PHF6: variants seen among roughly 807,000 people sequenced by gnomAD.
PHF6 encodes PHD finger protein 6.
Under a neutral mutation model 34.0 loss-of-function variants are expected in PHF6, and 7 were observed. The observed-to-expected ratio is 0.21, with a 90% CI of 0.12 to 0.39. The LOEUF (loss-of-function observed/expected upper bound fraction) is 0.39, where lower values mean the gene tolerates loss of function less well. PHF6 is among the 10% of genes least tolerant of loss of function. The pLI is 1.00. For synonymous variants in PHF6, 89 were observed against 88.4 expected, an observed-to-expected ratio of 1.01 and a Z score of -0.04; for missense variants, 128 against 262.8, an observed-to-expected ratio of 0.49 and a Z score of 3.55.
intron 5 of PHF6, among the ~76,000 whole-genome samples, chrX:134,408,632 C>T (rs1022758800): frequency 1.1e-4 from 12 of 111,781 alleles, no homozygotes; most frequent in African/African-American, 3.9e-4. Flanking sequence ...GCATTTTTCT[C>T]TTGGGGTTTG....
chrX:134,381,442 A>C (rs1049374963), intron 3 of PHF6, among the ~76,000 whole-genome samples: 15 of 110,832 alleles, frequency 1.4e-4, no homozygotes, highest in African/African-American at 4.6e-4. Flanking sequence ...TGAAGAGCTT[A>C]ATGTAACTAG....
intron 3 of PHF6, among the ~76,000 whole-genome samples, chrX:134,389,264 A>G (rs1325706843): frequency 1.8e-5 from 2 of 111,510 alleles, no homozygotes; most frequent in Non-Finnish European, 3.8e-5. Flanking sequence ...CCTCAACAGA[A>G]TATCTGATAC....
rs191728277 is a variant in PHF6 at position 134,413,760 on chromosome X, T to C, written c.586-63T>C. 5,420 of 1,196,663 alleles carry C rather than the reference T, an allele frequency of 4.5e-3. 12 individuals carry two copies. Among genetic ancestry groups the C allele is most frequent in the Non-Finnish European group, 4.7e-3 (4,164 of 883,087 alleles). ...CATCATTTGAAATGTTAAGTAAGCT[T>C]GAAATACCGATAGCATATTTTCATG... On this transcript the variant is annotated intron_variant, in intron 6 of 10. Coordinates refer to ENST00000370803, the MANE Select transcript of PHF6 (RefSeq NM_001015877.2).
chrX:134,384,729 T>G (rs1309148511), intron 3 of PHF6, among the ~76,000 whole-genome samples: 9 of 109,631 alleles, frequency 8.2e-5, no homozygotes, highest in East Asian at 2.9e-4. Flanking sequence ...TCGGCTCACT[T>G]CAAGCTCTGC....
At position 134,413,828 on chromosome X, in the gene PHF6, T is replaced by G. The variant is rs1248849132; in HGVS notation, c.591T>G (p.Asp197Glu). 12 of 1,209,278 alleles carry G rather than the reference T, an allele frequency of 9.9e-6. No homozygotes were observed. The highest frequency in any genetic ancestry group is 8.9e-6 in the Non-Finnish European group (8 of 894,931). Reference sequence around the variant, plus strand: ...TTTTTCTTTTACATTTGCAGAGAGATAGGTCTCCACACAGAAGCAGCCCTA... The same window carrying G: ...TTTTTCTTTTACATTTGCAGAGAGAGAGGTCTCCACACAGAAGCAGCCCTA... Reference protein sequence around the residue: ...TDEMESSSYRDRSPHRSSPSD... With the variant: ...TDEMESSSYRERSPHRSSPSD... The change falls in exon 7 of 11, where the codon GAT becomes GAG. Residue 197 changes from aspartate (D) to glutamate (E), a missense_variant. Physicochemically the swap from Asp to Glu is conservative, Grantham distance 45 (BLOSUM62 2). Around this residue, in one of 3 missense-constraint regions of PHF6, gnomAD observed 97 missense variants for 152.9 expected, o/e 0.63. Transcript: ENST00000370803.
intron 5 of PHF6, among the ~76,000 whole-genome samples, chrX:134,395,888 A>G (rs1415246575): frequency 1.8e-5 from 2 of 112,012 alleles, no homozygotes; most frequent in Non-Finnish European, 3.8e-5. Flanking sequence ...AATATGACGG[A>G]AAAAACCTTA....
chrX:134,396,293 AG>A (rs1351577064), intron 5 of PHF6, among the ~76,000 whole-genome samples: 1 of 111,810 alleles, frequency 8.9e-6, no homozygotes, highest in Non-Finnish European at 1.9e-5. Context: ...ACACTGAGAC[AG>A]GATATTTGAG....
chrX:134,378,074 G>A lies in PHF6; in HGVS notation c.208G>A (p.Val70Ile), dbSNP rs1179202301. The change falls in exon 3 of 11, where the codon GTC (valine) becomes ATC (isoleucine). Residue 70 changes from valine to isoleucine, a missense_variant. This residue lies in a region of PHF6 where 97 missense variants were observed against 152.9 expected (regional missense o/e 0.63). Transcript: ENST00000370803. ...TCTTGGTGGATTTTCTATTGAAGAT[G>A]TCCAAAAGGAAATTAAAAGAGGCAC... ...ESLGGFSIED[V>I]QKEIKRGTKL... 1 of 1,198,839 alleles carries A rather than the reference G, an allele frequency of 8.3e-7. No individual in the cohort carries two copies. The highest frequency in any genetic ancestry group is 1.1e-6 in the Non-Finnish European group (1 of 887,761).
At chrX:134,382,493 T>A (rs1439677580) in intron 3 of PHF6, among the ~76,000 whole-genome samples, 1 of 110,675 alleles carries the variant, frequency 9.0e-6, no homozygotes, top group Non-Finnish European at 1.9e-5. Flanking sequence ...TTTGAAGAAT[T>A]TACCGTTTCT....
chrX:134,385,981 A>G (rs1011387342), intron 3 of PHF6, among the ~76,000 whole-genome samples: 1 of 111,871 alleles, frequency 8.9e-6, no homozygotes, highest in Admixed American at 9.5e-5. Context: ...GTTTAACCTT[A>G]GAAGTATTTA....
At chrX:134,380,039 T>TA (rs1179279920) in intron 3 of PHF6, among the ~76,000 whole-genome samples, 1 of 111,950 alleles carries the variant, frequency 8.9e-6, no homozygotes. Flanking sequence ...TTTTGGTCCC[T>TA]AATGTTGAAA....
At chrX:134,413,464 A>G in intron 5 of PHF6, 27 bp from the exon 6 acceptor site, 1 of 1,206,078 alleles carries the variant, frequency 8.3e-7, no homozygotes, top group Non-Finnish European at 1.1e-6. Flanking sequence ...ATTGGTCCAT[A>G]AAAAGTTTTT....
chrX:134,385,205 G>A (rs2077326704), intron 3 of PHF6, among the ~76,000 whole-genome samples: 1 of 110,962 alleles, frequency 9.0e-6, no homozygotes, highest in African/African-American at 3.3e-5. Flanking sequence ...TCCTGTCTCT[G>A]TCCCCGCTGC....
chrX:134,426,710 G>A lies in PHF6; in HGVS notation c.*1050G>A, dbSNP rs899552462. 3 of 159,737 alleles carry A rather than the reference G, an allele frequency of 1.9e-5. No homozygotes were observed. Among genetic ancestry groups the A allele is most frequent in the Admixed American group, 8.3e-5 (1 of 12,029 alleles). 13.2% of individuals were successfully genotyped at this position (159,737 alleles called of 1,213,427 possible). A position where few individuals can be genotyped will look rare whatever the true frequency, so the allele number is the denominator to read the frequency against. On this transcript the variant is annotated 3_prime_UTR_variant, in exon 11 of 11. Coordinates refer to ENST00000370803, the MANE Select transcript of PHF6 (RefSeq NM_001015877.2). ...TTGTAGGGCTTGGTGGTGTTTTATC[G>A]ATTGTCAGAATTGTTTTTGAAAGCC...
intron 1 of PHF6, among the ~76,000 whole-genome samples, chrX:134,376,519 T>C (rs2077278726): frequency 9.0e-6 from 1 of 111,696 alleles, no homozygotes; most frequent in African/African-American, 3.3e-5. Flanking sequence ...ATCTGAAACC[T>C]TTCATGTTAG....
intron 3 of PHF6, among the ~76,000 whole-genome samples, chrX:134,388,973 A>G (rs1602698067): frequency 1.8e-5 from 2 of 110,650 alleles, no homozygotes; most frequent in East Asian, 5.7e-4. Context: ...GCACAATTTA[A>G]CCTTAAGTTA....
At chrX:134,412,967 T>C (rs1280582059) in intron 5 of PHF6, among the ~76,000 whole-genome samples, 1 of 112,166 alleles carries the variant, frequency 8.9e-6, no homozygotes, top group Non-Finnish European at 1.9e-5. Context: ...AGTAGAACTT[T>C]CCTGTGACAG....
chrX:134,382,653 C>T (rs759675538), intron 3 of PHF6, among the ~76,000 whole-genome samples: 5 of 104,648 alleles, frequency 4.8e-5, no homozygotes, highest in Non-Finnish European at 3.9e-5. Context: ...ACTGCAACTC[C>T]GCCTCCCAGG....
intron 9 of PHF6, chrX:134,419,846 T>C (rs1183108329): frequency 8.9e-6 from 1 of 112,066 alleles, no homozygotes; most frequent in Non-Finnish European, 1.9e-5. Flanking sequence ...ACTACTAGCA[T>C]GACTTTTAAC....
Sources: allele counts gnomAD v4.1 joint callset (sites outside exome capture counted in the v4.1 genomes callset), GRCh38; gene constraint gnomAD v4.1.1; regional missense constraint gnomAD v4.1.1; transcripts MANE v1.5; gene names NCBI Gene and HGNC (gene_info 2026-07-23, HGNC 2026-07-21).